Variants in HIVEP2 observed in about 807,000 individuals in gnomAD.
HIVEP2 encodes transcription factor HIVEP2.
A neutral mutation model predicts 180.7 loss-of-function variants in HIVEP2; 14 were observed. The ratio of observed to expected loss-of-function variants is 0.08; its 90% CI spans 0.05 to 0.12. The LOEUF is 0.12. Ranked by LOEUF, HIVEP2 falls within the 10% of genes least tolerant of loss-of-function variation. The pLI is 1.00. For missense variants in HIVEP2, 2,579 were observed against 3,008.5 expected (o/e 0.86, Z 3.34); for synonymous variants, 1,184 against 1,136.4 (o/e 1.04, Z -0.84).
chr6:142,936,412 G>A (rs1257615580), intron 1 of HIVEP2, among the ~76,000 whole-genome samples: 2 of 151,622 alleles, frequency 1.3e-5, no homozygotes, highest in East Asian at 2.0e-4. Flanking sequence ...TGCTGATCTC[G>A]AACTCCTGAC....
At chr6:142,822,142 T>C (rs972000429) in intron 2 of HIVEP2, among the ~76,000 whole-genome samples, 3 of 152,210 alleles carry the variant, frequency 2.0e-5, no homozygotes, top group African/African-American at 7.2e-5. Context: ...TCTCACACTC[T>C]AAAGCCTTAA....
chr6:142,799,919 A>T (rs1381393774), intron 2 of HIVEP2, among the ~76,000 whole-genome samples: 1 of 152,182 alleles, frequency 6.6e-6, no homozygotes, highest in East Asian at 1.9e-4. Flanking sequence ...ATGAAAAGCC[A>T]TATATCACTT....
At chr6:142,884,582 C>G (rs958236776) in intron 1 of HIVEP2, among the ~76,000 whole-genome samples, 1 of 152,182 alleles carries the variant, frequency 6.6e-6, no homozygotes, top group African/African-American at 2.4e-5. Flanking sequence ...AGAACCTTGT[C>G]TCCTTAACTC....
In HIVEP2 at chr6:142,787,716, G is replaced by T. The variant is rs116764085; in HGVS notation, c.-527-4101C>A. 8.3e-3 allele frequency among the ~76,000 whole-genome samples: 1,263 copies of T among 152,172 alleles called. 23 individuals carry two copies. Among genetic ancestry groups the T allele is most frequent in the African/African-American group, 0.029 (1,195 of 41,532 alleles). On this transcript the variant is annotated intron_variant, in intron 2 of 9. Coordinates refer to ENST00000367603, the MANE Select transcript of HIVEP2 (RefSeq NM_006734.4). Reference sequence around the variant, plus strand: ...ACACACACACATACATTGACAGGATGATGACTATAAGCTTAGATCTTCAGA... The same window carrying T: ...ACACACACACATACATTGACAGGATTATGACTATAAGCTTAGATCTTCAGA...
intron 1 of HIVEP2, among the ~76,000 whole-genome samples, chr6:142,911,708 G>A (rs1777412535): frequency 6.6e-6 from 1 of 152,120 alleles, no homozygotes; most frequent in African/African-American, 2.4e-5. Context: ...GAGACAACAA[G>A]CCATTCAAAA....
chr6:142,909,652 A>C (rs1777353431), intron 1 of HIVEP2, among the ~76,000 whole-genome samples: 1 of 152,194 alleles, frequency 6.6e-6, no homozygotes, highest in African/African-American at 2.4e-5. Flanking sequence ...AACATAGATC[A>C]CCATAGCAAA....
At chr6:142,921,508 C>T (rs1777683049) in intron 1 of HIVEP2, among the ~76,000 whole-genome samples, 1 of 152,206 alleles carries the variant, frequency 6.6e-6, no homozygotes, top group African/African-American at 2.4e-5. Flanking sequence ...GCACTCCAGC[C>T]TTGGTCATAC....
intron 2 of HIVEP2, among the ~76,000 whole-genome samples, chr6:142,835,883 A>G (rs1775208979): frequency 6.6e-6 from 1 of 152,118 alleles, no homozygotes. Flanking sequence ...ATAAACTACA[A>G]CGCTATCGCT....
chr6:142,860,192 T>A (rs188131241), intron 1 of HIVEP2, among the ~76,000 whole-genome samples: 115 of 152,318 alleles, frequency 7.5e-4, no homozygotes, highest in Middle Eastern at 3.4e-3. Flanking sequence ...ATTGACTTCA[T>A]ATTGCTCCCA....
chr6:142,879,039 C>A (rs1021867465), intron 1 of HIVEP2, among the ~76,000 whole-genome samples: 1 of 152,128 alleles, frequency 6.6e-6, no homozygotes, highest in African/African-American at 2.4e-5. Flanking sequence ...TATATATCCT[C>A]ACTATCATAC....
Position 142,894,974 on chromosome 6 carries a change from C to T in HIVEP2, c.-641+50125G>A, listed in dbSNP as rs148208200. 7.9e-4 allele frequency among the ~76,000 whole-genome samples: 121 copies of T among 152,252 alleles called. 1 individual carries two copies. The highest frequency in any genetic ancestry group is 2.7e-3 in the African/African-American group (113 of 41,550). On this transcript the variant is annotated intron_variant, in intron 1 of 9. Transcript: ENST00000367603. Reference sequence around the variant, plus strand: ...AAGTCGCCTTGATAATTCACTGGCACGAATTGGTATTCAGGAGAAAAATTA... The same window carrying T: ...AAGTCGCCTTGATAATTCACTGGCATGAATTGGTATTCAGGAGAAAAATTA...
intron 1 of HIVEP2, among the ~76,000 whole-genome samples, chr6:142,856,815 T>C (rs1242327405): frequency 6.6e-6 from 1 of 152,188 alleles, no homozygotes; most frequent in East Asian, 1.9e-4. Context: ...AGACTTCTGG[T>C]TAGCAGGGGC....
chr6:142,849,812 C>A lies in HIVEP2; in HGVS notation c.-640-12765G>T, dbSNP rs1582911401. Among the ~76,000 whole-genome samples, 9 of 152,224 alleles carry A rather than the reference C, an allele frequency of 5.9e-5. No homozygotes were observed. In the South Asian group the frequency reaches 1.9e-3, roughly 32 times the overall value. On this transcript the variant is annotated intron_variant, in intron 1 of 9. Coordinates refer to ENST00000367603, the MANE Select transcript of HIVEP2 (RefSeq NM_006734.4). ...GGGACTACAGGTATGAGCCACCACG[C>A]CTGGCCTAGAGTGGGTTTCTGTAAA...
At position 142,771,071 on chromosome 6, in the gene HIVEP2, G is replaced by A; in HGVS notation, c.3668C>T (p.Pro1223Leu). The A allele has an allele frequency of 6.2e-7, 1 of 1,614,156 alleles. No homozygotes were observed. The highest frequency in any genetic ancestry group is 8.5e-7 in the Non-Finnish European group (1 of 1,180,028). ...TGGGAAATGTGCCTGCCACCAGGGA[G>A]GCTGCTGAGCTGGTAAATGAACCAT... ...VCMVHLPAQQ[P>L]PWWQAHFPHP... Residue 1223 changes from proline (P) to leucine (L), a missense_variant, in exon 5 of 10, where the codon CCT becomes CTT. By Grantham distance (98) the Pro-to-Leu change is moderately conservative (BLOSUM62 -3). This residue lies in a region of HIVEP2 where 523 missense variants were observed against 577.0 expected (regional missense o/e 0.91). Coordinates refer to ENST00000367603, the MANE Select transcript of HIVEP2 (RefSeq NM_006734.4). The surrounding 1 kb of genome is among the most constrained non-coding windows in gnomAD (Gnocchi z 5.4).
chr6:142,812,856 T>C (rs1776733534), intron 2 of HIVEP2, among the ~76,000 whole-genome samples: 1 of 152,150 alleles, frequency 6.6e-6, no homozygotes, highest in South Asian at 2.1e-4. Context: ...GATTAGACAT[T>C]AAGGCAGATA....
chr6:142,753,641 C>G lies in HIVEP2; in HGVS notation c.6807G>C (p.Glu2269Asp), dbSNP rs1323694200. 1 of 1,614,196 alleles carries G rather than the reference C, an allele frequency of 6.2e-7. No individual in the cohort carries two copies. The highest frequency in any genetic ancestry group is 1.3e-5 in the African/African-American group (1 of 75,036). The part of the protein sequence containing the change: ...GFEEKKGASG[E>D]SFSKDPYVLS... ...GCACATAGGGGTCCTTGGAGAAGGA[C>G]TCCCCTGACGCGCCTTTCTTCTCCT... The change falls in exon 10 of 10, where the codon GAG becomes GAC. Residue 2269 changes from glutamate (E) to aspartate (D), a missense_variant. Transcript: ENST00000367603.
intron 2 of HIVEP2, among the ~76,000 whole-genome samples, chr6:142,793,659 T>TCTTTGTTTCTTTC (rs3057479): frequency 9.4e-6 from 1 of 106,120 alleles, no homozygotes; most frequent in African/African-American, 3.4e-5. Flanking sequence ...TTTCTTTCTT[T>TCTTTGTTTCTTTC]TTTCTTTCTT....
chr6:142,830,037 G>A (rs1775034057), intron 2 of HIVEP2, among the ~76,000 whole-genome samples: 1 of 152,070 alleles, frequency 6.6e-6, no homozygotes, highest in Non-Finnish European at 1.5e-5. Context: ...TATCTCTTCT[G>A]AAATTCAAAA....
chr6:142,837,978 A>T (rs1775266766), intron 1 of HIVEP2, among the ~76,000 whole-genome samples: 2 of 152,122 alleles, frequency 1.3e-5, no homozygotes, highest in African/African-American at 4.8e-5. Flanking sequence ...TTCCAAAGCC[A>T]TAAGCACAAG....
Sources: gnomAD v4.1 joint callset for allele counts (sites outside exome capture counted in the v4.1 genomes callset) on GRCh38, gnomAD v4.1.1 for gene constraint, gnomAD v4.1.1 regional missense constraint, Gnocchi (gnomAD v3.1) non-coding constraint, MANE v1.5 for transcripts, NCBI Gene and HGNC (gene_info 2026-07-23, HGNC 2026-07-21) for gene names.